Variants in DMD observed in about 807,000 individuals in gnomAD.
DMD encodes the protein dystrophin.
A neutral mutation model predicts 330.1 loss-of-function variants in DMD; 63 were observed. The ratio of observed to expected loss-of-function variants is 0.19; its 90% CI spans 0.16 to 0.24. The LOEUF (loss-of-function observed/expected upper bound fraction) is 0.24. Ranked by LOEUF, DMD falls within the 10% of genes least tolerant of loss-of-function variation. The pLI, the probability that DMD is intolerant of heterozygous loss-of-function variation, is 1.00. For missense variants in DMD, 3,344 were observed against 2,684.1 expected, an observed-to-expected ratio of 1.25 and a Z score of -5.43; for synonymous variants, 1,223 against 959.8, an observed-to-expected ratio of 1.27 and a Z score of -5.07.
chrX:32,078,410 C>A (rs907605982), intron 44 of DMD, among the ~76,000 whole-genome samples: 22 of 112,013 alleles, frequency 2.0e-4, no homozygotes, highest in South Asian at 1.5e-3. Context: ...TCCACTTTCA[C>A]CCCCTACATT....
chrX:31,267,152 G>A (rs1307506758), intron 62 of DMD, among the ~76,000 whole-genome samples: 2 of 108,795 alleles, frequency 1.8e-5, no homozygotes, highest in African/African-American at 3.3e-5. Context: ...GGGATTTAAG[G>A]TAGACCCAGG....
intron 19 of DMD, among the ~76,000 whole-genome samples, chrX:32,500,123 A>C (rs2043901263): frequency 9.1e-6 from 1 of 110,493 alleles, no homozygotes; most frequent in Non-Finnish European, 1.9e-5. Flanking sequence ...GGAATGTCTC[A>C]AATCACACCC....
intron 44 of DMD, among the ~76,000 whole-genome samples, chrX:32,064,920 G>T (rs1048120749): frequency 4.5e-5 from 5 of 111,195 alleles, no homozygotes; most frequent in Non-Finnish European, 9.5e-5. Context: ...CGATGCTTCA[G>T]CTGATCCTTT....
rs1269624075 is a variant in DMD at position 33,126,289 on chromosome X, G to A, written c.31+84993C>T. 7.2e-5 allele frequency among the ~76,000 whole-genome samples: 8 copies of A among 111,845 alleles called. No homozygotes were observed. In the Admixed American group the frequency reaches 7.6e-4, roughly 11 times the overall value. On this transcript the variant is annotated intron_variant, in intron 1 of 78. Transcript: ENST00000357033. Reference sequence around the variant, plus strand: ...TCTTGTACAGTGTAAACTAAACAACGCATAAAGAGAACACAGGTAACTAGA... The same window carrying A: ...TCTTGTACAGTGTAAACTAAACAACACATAAAGAGAACACAGGTAACTAGA...
intron 60 of DMD, among the ~76,000 whole-genome samples, chrX:31,426,791 C>T (rs761443302): frequency 8.9e-6 from 1 of 112,017 alleles, no homozygotes; most frequent in South Asian, 3.7e-4. Context: ...TGCTGATGCC[C>T]ATGAGGCTGG....
At chrX:32,787,132 T>C (rs1465152578) in intron 7 of DMD, among the ~76,000 whole-genome samples, 4 of 109,890 alleles carry the variant, frequency 3.6e-5, no homozygotes, top group Non-Finnish European at 7.6e-5. Flanking sequence ...AATTATAAGG[T>C]ACTATCATGA....
intron 51 of DMD, among the ~76,000 whole-genome samples, chrX:31,730,518 G>A (rs1034952386): frequency 4.5e-5 from 5 of 111,017 alleles, no homozygotes; most frequent in Admixed American, 9.6e-5. Context: ...TTAATTTATA[G>A]GTAGTAATGT....
chrX:32,069,072 T>A (rs2096278828), intron 44 of DMD, among the ~76,000 whole-genome samples: 1 of 111,790 alleles, frequency 8.9e-6, no homozygotes, highest in African/African-American at 3.2e-5. Context: ...GGGGACGTAA[T>A]TATGGTTTGT....
chrX:33,140,986 C>G (rs898618481), intron 1 of DMD, among the ~76,000 whole-genome samples: 1 of 111,371 alleles, frequency 9.0e-6, no homozygotes, highest in African/African-American at 3.3e-5. Context: ...TATATTTTCC[C>G]CTAGATAATA....
intron 52 of DMD, among the ~76,000 whole-genome samples, chrX:31,682,946 C>T (rs1011376784): frequency 1.8e-5 from 2 of 111,638 alleles, no homozygotes; most frequent in African/African-American, 6.5e-5. Flanking sequence ...TAATTTTAAT[C>T]CTGGAAAAAG....
chrX:33,246,843 C>A (rs1465485462), intron 1 of DMD, among the ~76,000 whole-genome samples: 1 of 109,615 alleles, frequency 9.1e-6, no homozygotes, highest in African/African-American at 3.3e-5. Flanking sequence ...ACACCACCAC[C>A]CCCAGCTAAT....
At chrX:33,055,392 G>T (rs1158882288) in intron 1 of DMD, among the ~76,000 whole-genome samples, 4 of 111,762 alleles carry the variant, frequency 3.6e-5, no homozygotes, top group Non-Finnish European at 7.5e-5. Context: ...TGTTAAAGAA[G>T]TTTAGCTTCA....
At chrX:32,662,633 T>G (rs1043191211) in intron 9 of DMD, among the ~76,000 whole-genome samples, 1 of 111,740 alleles carries the variant, frequency 8.9e-6, no homozygotes, top group Admixed American at 9.5e-5. Context: ...ACAACAACCA[T>G]AAACTCCCAA....
chrX:31,245,275 T>C (rs2048722348), intron 63 of DMD, among the ~76,000 whole-genome samples: 1 of 112,155 alleles, frequency 8.9e-6, no homozygotes, highest in South Asian at 3.7e-4. Context: ...GAGTTCCATC[T>C]TGCCAGTTTA....
intron 77 of DMD, among the ~76,000 whole-genome samples, chrX:31,132,383 G>A (rs1286144701): frequency 8.9e-6 from 1 of 111,847 alleles, no homozygotes; most frequent in Non-Finnish European, 1.9e-5. Flanking sequence ...AGCTAATTAG[G>A]GTGGACCAGA....
chrX:32,647,448 G>T (rs1437245559), intron 9 of DMD, among the ~76,000 whole-genome samples: 1 of 111,533 alleles, frequency 9.0e-6, no homozygotes, highest in African/African-American at 3.3e-5. Context: ...ATCTGAACCA[G>T]ACCCTGCTTC....
In DMD at chrX:32,054,042, T is replaced by C. The variant is rs1026175578; in HGVS notation, c.6439-85528A>G. ...ACAAGAAGCTTTCATTATTCACATATATCCTTAATCATATTGTATATGTGG... is the reference window on the plus strand; with the variant it reads ...ACAAGAAGCTTTCATTATTCACATACATCCTTAATCATATTGTATATGTGG... On this transcript the variant is annotated intron_variant, in intron 44 of 78. Coordinates refer to ENST00000357033, the MANE Select transcript of DMD (RefSeq NM_004006.3). 6.5e-5 allele frequency among the ~76,000 whole-genome samples: 7 copies of C among 107,240 alleles called. No homozygotes were observed. The South Asian group carries it at 2.6e-3, about 40-fold the overall frequency. The allele number at this position is 107,240 out of a possible 115,157, so 93.1% of individuals were successfully genotyped here.
At chrX:31,743,082 C>T (rs1160012735) in intron 51 of DMD, among the ~76,000 whole-genome samples, 2 of 111,786 alleles carry the variant, frequency 1.8e-5, no homozygotes, top group African/African-American at 6.5e-5. Flanking sequence ...AAGTGGCCAA[C>T]AAACATGAAA....
In DMD at chrX:31,137,735, A is replaced by C. The variant is rs1482067903; in HGVS notation, c.10922-3541T>G. Among the ~76,000 whole-genome samples the C allele has an allele frequency of 2.7e-5, 3 of 110,396 alleles. No individual in the cohort carries two copies. In the East Asian group the frequency reaches 8.6e-4, roughly 31 times the overall value. ...ACACAGGCTTAACAAGTAAATAAGT[A>C]AACTATATAGGTATCTTGAGTGGTG... On this transcript the variant is annotated intron_variant, in intron 76 of 78. Coordinates refer to ENST00000357033, the MANE Select transcript of DMD (RefSeq NM_004006.3).
Sources: gnomAD v4.1 joint callset for allele counts (sites outside exome capture counted in the v4.1 genomes callset) on GRCh38, gnomAD v4.1.1 for gene constraint, MANE v1.5 for transcripts, NCBI Gene and HGNC (gene_info 2026-07-23, HGNC 2026-07-21) for gene names.